Variants in GALNT2 observed in about 807,000 individuals in gnomAD.
GALNT2 encodes UDP-GalNAc:polypeptide N-acetylgalactosaminyltransferase 2.
Under a neutral mutation model 81.4 loss-of-function variants are expected in GALNT2, and 31 were observed. The ratio of observed to expected loss-of-function variants is 0.38; its 90% CI spans 0.29 to 0.51. The LOEUF (loss-of-function observed/expected upper bound fraction) is 0.51. Ranked by LOEUF, GALNT2 falls within the 20% of genes least tolerant of loss-of-function variation. The pLI, the probability that GALNT2 is intolerant of heterozygous loss-of-function variation, is 0.87. For missense variants in GALNT2, 629 were observed against 765.7 expected (o/e 0.82, Z 2.11); for synonymous variants, 303 against 287.4 (o/e 1.05, Z -0.55).
chr1:230,270,573 C>T (rs765161238), intron 14 of GALNT2, among the ~76,000 whole-genome samples: 2 of 152,224 alleles, frequency 1.3e-5, no homozygotes, highest in Non-Finnish European at 2.9e-5. Flanking sequence ...TTAGACAGTA[C>T]GGCTCAGATA....
At chr1:230,074,465 T>A (rs1659472383) in intron 1 of GALNT2, among the ~76,000 whole-genome samples, 1 of 152,160 alleles carries the variant, frequency 6.6e-6, no homozygotes, top group South Asian at 2.1e-4. Flanking sequence ...ATGCCAGTAG[T>A]TCTCCCACCC....
chr1:230,236,034 G>A lies in GALNT2; in HGVS notation c.395G>A (p.Arg132Gln), dbSNP rs151140953. 2.0e-5 allele frequency: 32 copies of A among 1,613,508 alleles called. No individual in the cohort carries two copies. Among genetic ancestry groups the A allele is most frequent in the South Asian group, 1.2e-4 (11 of 91,022 alleles). ...RHDQCQRKQW[R>Q]VDLPATSVVI... Reference sequence around the variant, plus strand: ...TGCAGGTGTCAGCGGAAGCAGTGGCGGGTGGATCTGCCGGCCACCAGCGTG... The same window carrying A: ...TGCAGGTGTCAGCGGAAGCAGTGGCAGGTGGATCTGCCGGCCACCAGCGTG... The change falls in exon 4 of 16, where the codon CGG (arginine) becomes CAG (glutamine). Residue 132 changes from arginine (R) to glutamine (Q), a missense_variant. Around this residue, in one of 3 missense-constraint regions of GALNT2, gnomAD observed 360 missense variants for 492.8 expected, o/e 0.73. Coordinates refer to ENST00000366672, the MANE Select transcript of GALNT2 (RefSeq NM_004481.5).
intron 3 of GALNT2, among the ~76,000 whole-genome samples, chr1:230,207,365 T>C (rs1192828936): frequency 1.3e-5 from 2 of 152,108 alleles, no homozygotes; most frequent in Non-Finnish European, 2.9e-5. Flanking sequence ...CTTATTACCC[T>C]GAAGGATAGA....
At chr1:230,191,429 A>G (rs1478702298) in intron 2 of GALNT2, among the ~76,000 whole-genome samples, 1 of 152,252 alleles carries the variant, frequency 6.6e-6, no homozygotes, top group Non-Finnish European at 1.5e-5. Context: ...AGGCTACCAT[A>G]TAAAAGAGGC....
chr1:230,170,459 T>A (rs1269271716), intron 1 of GALNT2, among the ~76,000 whole-genome samples: 1 of 152,212 alleles, frequency 6.6e-6, no homozygotes. Flanking sequence ...AAGCAAAAAC[T>A]GATCTCTTTT....
intron 1 of GALNT2, among the ~76,000 whole-genome samples, chr1:230,071,547 G>T (rs7531895): frequency 0.27 from 41,352 of 152,052 alleles, 10,384 homozygotes; most frequent in African/African-American, 0.66. Flanking sequence ...AGAAGGGCAG[G>T]TCGCTGTGAT....
At chr1:230,163,881 C>T (rs76995755) in intron 1 of GALNT2, among the ~76,000 whole-genome samples, 3,356 of 152,240 alleles carry the variant, frequency 0.022, 128 homozygotes, top group African/African-American at 0.075. Context: ...TTTAGCTTTC[C>T]CAACCACATG....
chr1:230,145,371 C>T (rs1661883461), intron 1 of GALNT2, among the ~76,000 whole-genome samples: 1 of 152,224 alleles, frequency 6.6e-6, no homozygotes. Flanking sequence ...CCTGGGCCTT[C>T]TGAGGGGGTT....
At chr1:230,262,797 G>C (rs1232621287) in intron 12 of GALNT2, 125 bp from the exon 13 acceptor site, 7 of 1,286,442 alleles carry the variant, frequency 5.4e-6, no homozygotes, top group Non-Finnish European at 7.8e-6. Flanking sequence ...GGGCACAGGA[G>C]CATGGGCAGT....
intron 1 of GALNT2, among the ~76,000 whole-genome samples, chr1:230,174,056 A>C (rs917728797): frequency 2.0e-5 from 3 of 152,244 alleles, no homozygotes; most frequent in African/African-American, 7.2e-5. Flanking sequence ...CGAAGCAGGT[A>C]GCAAATGTAA....
chr1:230,162,834 C>T lies in GALNT2; in HGVS notation c.127-15384C>T, dbSNP rs551118599. On this transcript the variant is annotated intron_variant, in intron 1 of 15. Coordinates refer to ENST00000366672, the MANE Select transcript of GALNT2 (RefSeq NM_004481.5). Reference sequence around the variant, plus strand: ...ACAGGCCTTGCTGGGCTTCCCCACTCGGTCTGTTGGCATTGGAACCTACCA... The same window carrying T: ...ACAGGCCTTGCTGGGCTTCCCCACTTGGTCTGTTGGCATTGGAACCTACCA... Among the ~76,000 whole-genome samples the T allele has an allele frequency of 2.2e-4, 33 of 152,326 alleles. No individual in the cohort carries two copies. The South Asian group carries it at 6.2e-3, about 29-fold the overall frequency.
chr1:230,187,467 A>G (rs967080839), intron 2 of GALNT2, among the ~76,000 whole-genome samples: 4 of 151,848 alleles, frequency 2.6e-5, no homozygotes, highest in Non-Finnish European at 5.9e-5. Flanking sequence ...CATCGGCAGG[A>G]GTAGAACTCT....
At chr1:230,190,052 A>G (rs773193188) in intron 2 of GALNT2, among the ~76,000 whole-genome samples, 1 of 152,190 alleles carries the variant, frequency 6.6e-6, no homozygotes, top group Admixed American at 6.5e-5. Flanking sequence ...AGCGAAGTCT[A>G]CGTAGTTCTT....
In GALNT2 at chr1:230,203,088, A is replaced by G. The variant is rs775564783; in HGVS notation, c.221-49A>G. The G allele has an allele frequency of 1.1e-5, 17 of 1,575,750 alleles. No individual in the cohort carries two copies. The South Asian group carries it at 1.8e-4, about 17-fold the overall frequency. ...ACTTACTGCAGTCTCTGTGATGAGC[A>G]CTTGGTCACATTTTCCCTCATCCCT... On this transcript the variant is annotated intron_variant, in intron 2 of 15. Transcript: ENST00000366672.
intron 1 of GALNT2, among the ~76,000 whole-genome samples, chr1:230,079,779 A>C (rs140688794): frequency 3.9e-5 from 6 of 152,312 alleles, no homozygotes; most frequent in Admixed American, 6.5e-5. Flanking sequence ...GCCGTCATGA[A>C]AGGAACATAA....
upstream of GALNT2, among the ~76,000 whole-genome samples, chr1:230,065,716 T>C (rs933849582): frequency 2.4e-4 from 37 of 152,228 alleles, no homozygotes; most frequent in Admixed American, 5.2e-4. Flanking sequence ...TAGATAATGT[T>C]GGTGTTTGGG....
In GALNT2 at chr1:230,243,441, G is replaced by T. The variant is rs375900752; in HGVS notation, c.729+14G>T. On this transcript the variant is annotated intron_variant, in intron 7 of 15. Transcript: ENST00000366672. The surrounding 1 kb of genome is among the most constrained non-coding windows in gnomAD (Gnocchi z 4.2). ...AGGGTGGCGGAGGTGAGATGACGGGGGCTGGGAGGGGTGTCAGGTCGTGGG... is the reference window on the plus strand; with the variant it reads ...AGGGTGGCGGAGGTGAGATGACGGGTGCTGGGAGGGGTGTCAGGTCGTGGG... 11 of 1,609,024 alleles carry T rather than the reference G, an allele frequency of 6.8e-6. No individual in the cohort carries two copies. Among genetic ancestry groups the T allele is most frequent in the Non-Finnish European group, 7.6e-6 (9 of 1,179,558 alleles).
chr1:230,246,771 G>T (rs188676764), intron 8 of GALNT2, among the ~76,000 whole-genome samples: 268 of 152,128 alleles, frequency 1.8e-3, no homozygotes, highest in Admixed American at 3.8e-3. Flanking sequence ...TTTCCTGTAT[G>T]TCCTCACCGC....
chr1:230,243,009 C>G lies in GALNT2; in HGVS notation c.608-297C>G, dbSNP rs539137011. On this transcript the variant is annotated intron_variant, in intron 6 of 15. Coordinates refer to ENST00000366672, the MANE Select transcript of GALNT2 (RefSeq NM_004481.5). The surrounding 1 kb of genome is among the most constrained non-coding windows in gnomAD (Gnocchi z 4.2). ...TCAGAGGAATGTAGTTATAAAAGTT[C>G]CACATTTTGGTTAGTTGATAAAGGA... Among the ~76,000 whole-genome samples, 5 of 152,284 alleles carry G rather than the reference C, an allele frequency of 3.3e-5. No individual in the cohort carries two copies. Among genetic ancestry groups the G allele is most frequent in the African/African-American group, 9.6e-5 (4 of 41,554 alleles).
Sources: allele counts gnomAD v4.1 joint callset (sites outside exome capture counted in the v4.1 genomes callset), GRCh38; gene constraint gnomAD v4.1.1; regional missense constraint gnomAD v4.1.1; non-coding constraint Gnocchi (gnomAD v3.1); transcripts MANE v1.5; gene names NCBI Gene and HGNC (gene_info 2026-07-23, HGNC 2026-07-21).